The following CD33 variants were observed in gnomAD, a reference collection of about 807,000 sequenced individuals.
CD33 encodes the protein myeloid cell surface antigen CD33.
CD33 carries 25 observed loss-of-function variants against 31.4 expected under a neutral mutation model. The ratio of observed to expected loss-of-function variants is 0.80; its 90% CI spans 0.58 to 1.11. The LOEUF is 1.11. Ranked by LOEUF, CD33 falls within the 50% of genes most tolerant of loss-of-function variation. The pLI, the probability that CD33 is intolerant of heterozygous loss-of-function variation, is 0.00. For missense variants in CD33, 407 were observed against 448.1 expected (o/e 0.91, Z 0.83); for synonymous variants, 176 against 180.6 (o/e 0.97, Z 0.20).
intron 4 of CD33, among the ~76,000 whole-genome samples, chr19:51,226,857 T>C (rs1185187199): frequency 6.6e-6 from 1 of 151,806 alleles, no homozygotes; most frequent in Non-Finnish European, 1.5e-5. Context: ...AACAAATCTC[T>C]CTCCTTATCA....
the CD33 span, among the ~76,000 whole-genome samples, chr19:51,216,734 T>G: frequency 6.6e-6 from 1 of 151,982 alleles, no homozygotes; most frequent in Admixed American, 6.6e-5. Flanking sequence ...ATAGAAAGTA[T>G]TTAACTATAT....
chr19:51,212,276 A>G, the CD33 span, among the ~76,000 whole-genome samples: 3 of 151,934 alleles, frequency 2.0e-5, no homozygotes, highest in African/African-American at 7.3e-5. Flanking sequence ...CCTCACCCCA[A>G]CTGAATGGGA....
intron 4 of CD33, among the ~76,000 whole-genome samples, chr19:51,228,120 T>A (rs1280594420): frequency 6.6e-6 from 1 of 152,226 alleles, no homozygotes; most frequent in Admixed American, 6.5e-5. Flanking sequence ...TTACTACAGC[T>A]TTGTAGTTTT....
intron 6 of CD33, chr19:51,237,206 A>C (rs1293903986): frequency 1.3e-5 from 2 of 152,206 alleles, no homozygotes; most frequent in East Asian, 3.9e-4. Flanking sequence ...ACACCACAGT[A>C]AAGTTTTTGA....
Position 51,239,935 on chromosome 19 carries a change from C to G in CD33, c.*247C>G, listed in dbSNP as rs534890515. 2.1e-5 allele frequency: 7 copies of G among 338,294 alleles called. No homozygotes were observed. The highest frequency in any genetic ancestry group is 3.7e-5 in the Non-Finnish European group (7 of 187,716). 21.0% of individuals were successfully genotyped at this position (338,294 alleles called of 1,614,324 possible). On this transcript the variant is annotated 3_prime_UTR_variant, in exon 7 of 7. Coordinates refer to ENST00000262262, the MANE Select transcript of CD33 (RefSeq NM_001772.4). ...CCTTAACCTTCCATGTCTCCATTTT[C>G]TTCTCTGTGAAGTAGGTATAAGAAG...
intron 4 of CD33, among the ~76,000 whole-genome samples, chr19:51,230,803 T>C (rs1288993829): frequency 1.3e-5 from 2 of 152,222 alleles, no homozygotes; most frequent in Non-Finnish European, 1.5e-5. Flanking sequence ...GTAGAAGGGC[T>C]GAGGCAGGGC....
intron 2 of CD33, 97 bp from the exon 3 acceptor site, chr19:51,225,706 G>C: frequency 6.5e-7 from 1 of 1,538,236 alleles, no homozygotes; most frequent in Non-Finnish European, 8.8e-7. Flanking sequence ...AAAGCCTGTC[G>C]TGCTTAGCGG....
At chr19:51,211,376 G>A in the CD33 span, 1 of 1,557,378 alleles carries the variant, frequency 6.4e-7, no homozygotes, top group Non-Finnish European at 8.8e-7. Flanking sequence ...ATTGTATCCA[G>A]GGACTCTCCA....
chr19:51,225,950 C>T lies in CD33; in HGVS notation c.566C>T (p.Pro189Leu), dbSNP rs750059279. Reference protein sequence around the residue: ...WLSAAPTSLGPRTTHSSVLII... With the variant: ...WLSAAPTSLGLRTTHSSVLII... Reference sequence around the variant, plus strand: ...TCAGCTGCCCCCACCTCCCTGGGCCCCAGGACTACTCACTCCTCGGTGCTC... The same window carrying T: ...TCAGCTGCCCCCACCTCCCTGGGCCTCAGGACTACTCACTCCTCGGTGCTC... Residue 189 changes from proline to leucine, a missense_variant, in exon 3 of 7, where the codon CCC becomes CTC. Pro to Leu is a moderately conservative substitution (Grantham distance 98). Coordinates refer to ENST00000262262, the MANE Select transcript of CD33 (RefSeq NM_001772.4). 6.2e-7 allele frequency: 1 copy of T among 1,613,994 alleles called. No homozygotes were observed. The highest frequency in any genetic ancestry group is 8.5e-7 in the Non-Finnish European group (1 of 1,180,040).
chr19:51,231,590 G>A (rs1599871369), intron 4 of CD33, among the ~76,000 whole-genome samples: 1 of 139,144 alleles, frequency 7.2e-6, no homozygotes, highest in Non-Finnish European at 1.5e-5. Context: ...GTTTCTTTTT[G>A]TGGTTGGCTG....
the CD33 span, among the ~76,000 whole-genome samples, chr19:51,219,102 T>C: frequency 6.6e-6 from 1 of 152,224 alleles, no homozygotes; most frequent in Non-Finnish European, 1.5e-5. Context: ...AATCTGTAGA[T>C]TGCTTTGGGC....
chr19:51,213,220 T>C, the CD33 span, among the ~76,000 whole-genome samples: 1 of 152,202 alleles, frequency 6.6e-6, no homozygotes, highest in African/African-American at 2.4e-5. Flanking sequence ...GTGACAATTG[T>C]TGTGTCCGTG....
At chr19:51,232,944 C>G (rs904366473) in intron 4 of CD33, among the ~76,000 whole-genome samples, 1 of 152,180 alleles carries the variant, frequency 6.6e-6, no homozygotes, top group Non-Finnish European at 1.5e-5. Context: ...AGGAGTAGCA[C>G]TCAGAGCTTT....
the CD33 span, among the ~76,000 whole-genome samples, chr19:51,215,318 G>A: frequency 1.3e-5 from 2 of 152,184 alleles, no homozygotes; most frequent in Admixed American, 6.5e-5. Flanking sequence ...AAATGCCAGG[G>A]TGGAGAGGTT....
the CD33 span, among the ~76,000 whole-genome samples, chr19:51,214,961 T>G: frequency 1.0e-3 from 156 of 152,318 alleles, no homozygotes; most frequent in Admixed American, 3.6e-3. Flanking sequence ...AACCTTCCTT[T>G]TCTTATGTTC....
chr19:51,217,492 C>T, the CD33 span, among the ~76,000 whole-genome samples: 1 of 151,946 alleles, frequency 6.6e-6, no homozygotes, highest in African/African-American at 2.4e-5. Context: ...TCACTGCAAC[C>T]TCTGCTTCCC....
rs1354718136 is a variant in CD33, at chr19:51,239,771, A to C, written c.*83A>C. 17 of 1,121,718 alleles carry C rather than the reference A, an allele frequency of 1.5e-5. No homozygotes were observed. The highest frequency in any genetic ancestry group is 2.2e-5 in the Non-Finnish European group (17 of 780,524). The allele number at this position is 1,121,718 out of a possible 1,614,324, so 69.5% of individuals were successfully genotyped here. A position where few individuals can be genotyped will look rare whatever the true frequency, so the allele number is the denominator to read the frequency against. On this transcript the variant is annotated 3_prime_UTR_variant, in exon 7 of 7. Transcript: ENST00000262262. ...ACCAAAGGCTGATTCTTGGAGATTT[A>C]ACACCCCACAGGCAATGGGTTTATA...
the CD33 span, chr19:51,211,466 A>G: frequency 3.2e-6 from 5 of 1,567,156 alleles, no homozygotes; most frequent in Non-Finnish European, 4.3e-6. Context: ...CCCAGTAAGA[A>G]CAACTGCTCC....
chr19:51,228,473 C>T (rs141502027), intron 4 of CD33, among the ~76,000 whole-genome samples: 63 of 152,236 alleles, frequency 4.1e-4, no homozygotes, highest in African/African-American at 1.4e-3. Flanking sequence ...GGCTTGTCAC[C>T]TCCTTGGTTA....
Sources: gnomAD v4.1 joint callset for allele counts (sites outside exome capture counted in the v4.1 genomes callset) on GRCh38, gnomAD v4.1.1 for gene constraint, MANE v1.5 for transcripts, NCBI Gene and HGNC (gene_info 2026-07-23, HGNC 2026-07-21) for gene names.